RCAN3: variants seen among roughly 807,000 people sequenced by gnomAD.
The protein encoded by RCAN3 is calcipressin-3.
RCAN3 carries 19 observed loss-of-function variants against 21.9 expected under a neutral mutation model. The ratio of observed to expected loss-of-function variants is 0.87; its 90% CI spans 0.61 to 1.27. The LOEUF (loss-of-function observed/expected upper bound fraction) is 1.27, where lower values mean the gene tolerates loss of function less well. Among genes scored for constraint, RCAN3 ranks in the 50% most tolerant of loss-of-function variants. RCAN3 has a pLI of 0.00. For missense variants in RCAN3, 240 were observed against 300.1 expected (o/e 0.80, Z 1.48); for synonymous variants, 114 against 112.3 (o/e 1.01, Z -0.09).
intron 2 of RCAN3, among the ~76,000 whole-genome samples, chr1:24,527,486 TCCTCA>T (rs1649372343): frequency 6.6e-6 from 1 of 152,242 alleles, no homozygotes. Context: ...AAATGATGTT[TCCTCA>T]ATAATGAAGG....
chr1:24,518,741 C>T (rs991368442), intron 2 of RCAN3, among the ~76,000 whole-genome samples: 3 of 151,802 alleles, frequency 2.0e-5, no homozygotes, highest in Admixed American at 2.0e-4. Flanking sequence ...TATAGGCATG[C>T]ACCAGCACAT....
At position 24,514,573 on chromosome 1, in the gene RCAN3, C is replaced by T. The variant is rs1175827273; in HGVS notation, c.195+6C>T. 2.5e-6 allele frequency: 4 copies of T among 1,610,788 alleles called. No homozygotes were observed. The highest frequency in any genetic ancestry group is 1.7e-4 in the Middle Eastern group (1 of 6,052). ...TTGAGGCACGAGAGCAGAAGGTAGG[C>T]ATCTATCCTCCCTTTCCCTACATTT... is the stretch of plus-strand genomic sequence containing the variant. On this transcript the variant is annotated splice_donor_region_variant and intron_variant, in intron 2 of 4. Coordinates refer to ENST00000374395, the MANE Select transcript of RCAN3 (RefSeq NM_013441.4).
rs903983052 is a variant in RCAN3, at chr1:24,539,397, G to A, written c.*4120G>A. On this transcript the variant is annotated 3_prime_UTR_variant, in exon 5 of 5. Coordinates refer to ENST00000374395, the MANE Select transcript of RCAN3 (RefSeq NM_013441.4). ...TTGTTATCATTGAACCATTGGGGCT[G>A]GAATCTGCCTAAATAATTTTATCTT... 6.6e-6 allele frequency: 1 copy of A among 152,168 alleles called. No individual in the cohort carries two copies. The highest frequency in any genetic ancestry group is 2.4e-5 in the African/African-American group (1 of 41,438). The allele number at this position is 152,168 out of a possible 1,614,324, so 9.4% of individuals were successfully genotyped here.
At chr1:24,504,901 T>G (rs1647310530) in intron 1 of RCAN3, among the ~76,000 whole-genome samples, 1 of 152,256 alleles carries the variant, frequency 6.6e-6, no homozygotes, top group East Asian at 1.9e-4. Flanking sequence ...GTAGGCTGGT[T>G]TTTGTTGTTT....
At position 24,539,810 on chromosome 1, in the gene RCAN3, A is replaced by G. The variant is rs1650411932; in HGVS notation, c.*4533A>G. The G allele has an allele frequency of 6.6e-6, 1 of 152,230 alleles. No homozygotes were observed. The highest frequency in any genetic ancestry group is 2.4e-5 in the African/African-American group (1 of 41,456). 9.4% of individuals were successfully genotyped at this position (152,230 alleles called of 1,614,324 possible). A position where few individuals can be genotyped will look rare whatever the true frequency, so the allele number is the denominator to read the frequency against. ...AGAGCTGTGGACCCTGTACGTACCAAACAGGTGAACTTGGTCCATCTTTCC... is the reference window on the plus strand; with the variant it reads ...AGAGCTGTGGACCCTGTACGTACCAGACAGGTGAACTTGGTCCATCTTTCC... On this transcript the variant is annotated 3_prime_UTR_variant, in exon 5 of 5. Coordinates refer to ENST00000374395, the MANE Select transcript of RCAN3 (RefSeq NM_013441.4).
intron 1 of RCAN3, among the ~76,000 whole-genome samples, chr1:24,508,154 A>C (rs1647591650): frequency 6.6e-6 from 1 of 152,224 alleles, no homozygotes; most frequent in Non-Finnish European, 1.5e-5. Flanking sequence ...ACAAGACTAG[A>C]ACTCAGGATT....
chr1:24,525,150 G>C lies in RCAN3; in HGVS notation c.196-6068G>C, dbSNP rs1649160716. ...CAGAAAGGTCAGGAAATACACACTTGGCTGCCATCCTCATCTGTTGCTCCT... is the reference window on the plus strand; with the variant it reads ...CAGAAAGGTCAGGAAATACACACTTCGCTGCCATCCTCATCTGTTGCTCCT... On this transcript the variant is annotated intron_variant, in intron 2 of 4. Coordinates refer to ENST00000374395, the MANE Select transcript of RCAN3 (RefSeq NM_013441.4). The surrounding 1 kb of genome is among the most constrained non-coding windows in gnomAD (Gnocchi z 4.1). 6.6e-6 allele frequency among the ~76,000 whole-genome samples: 1 copy of C among 152,102 alleles called. No individual in the cohort carries two copies. Among genetic ancestry groups the C allele is most frequent in the South Asian group, 2.1e-4 (1 of 4,826 alleles).
At position 24,514,324 on chromosome 1, in the gene RCAN3, A is replaced by G. The variant is rs1484948663; in HGVS notation, c.-49A>G. On this transcript the variant is annotated 5_prime_UTR_variant, in exon 2 of 5. Coordinates refer to ENST00000374395, the MANE Select transcript of RCAN3 (RefSeq NM_013441.4). ...CTTTTTTTTTAACAGTGGGTGCCTG[A>G]TAGACATCCTAGGACTATACAGAAG... 1 of 1,428,502 alleles carries G rather than the reference A, an allele frequency of 7.0e-7. No homozygotes were observed. The highest frequency in any genetic ancestry group is 9.3e-7 in the Non-Finnish European group (1 of 1,077,334). The allele number at this position is 1,428,502 out of a possible 1,614,324, so 88.5% of individuals were successfully genotyped here.
At chr1:24,516,355 A>G (rs1648320436) in intron 2 of RCAN3, among the ~76,000 whole-genome samples, 1 of 152,132 alleles carries the variant, frequency 6.6e-6, no homozygotes, top group Non-Finnish European at 1.5e-5. Context: ...GAAAGGAGGA[A>G]GGATCACAGC....
chr1:24,505,465 C>T (rs1380671374), intron 1 of RCAN3, among the ~76,000 whole-genome samples: 1 of 151,808 alleles, frequency 6.6e-6, no homozygotes, highest in African/African-American at 2.4e-5. Context: ...TCTGGCAGCC[C>T]GCCTGCCTCC....
rs768870459 is a variant in RCAN3 at position 24,539,116 on chromosome 1, C to T, written c.*3839C>T. The T allele has an allele frequency of 1.3e-5, 2 of 152,100 alleles. No individual in the cohort carries two copies. The highest frequency in any genetic ancestry group is 4.8e-5 in the African/African-American group (2 of 41,406). 9.4% of individuals were successfully genotyped at this position (152,100 alleles called of 1,614,324 possible). ...TGAGGTTATGGCACTGACTTAGGCA[C>T]CCCCAGCAAGGCAACCCAGGGACTA... On this transcript the variant is annotated 3_prime_UTR_variant, in exon 5 of 5. Transcript: ENST00000374395.
At position 24,540,140 on chromosome 1, in the gene RCAN3, T is replaced by TTTC. The variant is rs1650424789; in HGVS notation, c.*4866_*4868dup. Reference sequence around the variant, plus strand: ...AAAATGTTAATCATTTGGAGACTGTTTTCTTATTACCAAATGTACAATCCA... The same window carrying TTTC: ...AAAATGTTAATCATTTGGAGACTGTTTTCTTCTTATTACCAAATGTACAATCCA... On this transcript the variant is annotated 3_prime_UTR_variant, in exon 5 of 5. Transcript: ENST00000374395. 6.6e-6 allele frequency: 1 copy of TTTC among 152,228 alleles called. No individual in the cohort carries two copies. The highest frequency in any genetic ancestry group is 6.5e-5 in the Admixed American group (1 of 15,274). 9.4% of individuals were successfully genotyped at this position (152,228 alleles called of 1,614,324 possible).
rs903568919 is a variant in RCAN3 at position 24,536,449 on chromosome 1, T to C, written c.*1172T>C. 1 of 152,236 alleles carries C rather than the reference T, an allele frequency of 6.6e-6. No individual in the cohort carries two copies. Among genetic ancestry groups the C allele is most frequent in the Non-Finnish European group, 1.5e-5 (1 of 68,044 alleles). The allele number at this position is 152,236 out of a possible 1,614,324, so 9.4% of individuals were successfully genotyped here. On this transcript the variant is annotated 3_prime_UTR_variant, in exon 5 of 5. Transcript: ENST00000374395. ...ATTGTTTCCCACTTAGGTGTCAGAA[T>C]GTACCTTTGAACTTCCCTAAGAAGC...
chr1:24,504,118 C>T (rs1032362069), intron 1 of RCAN3, among the ~76,000 whole-genome samples: 2 of 152,212 alleles, frequency 1.3e-5, no homozygotes, highest in African/African-American at 4.8e-5. Context: ...AACTGAGTCT[C>T]TTCTTTAGCC....
At chr1:24,505,161 C>G (rs921485526) in intron 1 of RCAN3, among the ~76,000 whole-genome samples, 2 of 148,946 alleles carry the variant, frequency 1.3e-5, no homozygotes, top group Non-Finnish European at 3.0e-5. Context: ...TCGTGATAGC[C>G]GTTCAGAACT....
At chr1:24,530,255 C>T (rs1649640656) in intron 2 of RCAN3, among the ~76,000 whole-genome samples, 2 of 147,902 alleles carry the variant, frequency 1.4e-5, no homozygotes, top group South Asian at 2.1e-4. Flanking sequence ...CCCAAGAAGC[C>T]GAGGCAGGAG....
chr1:24,521,508 A>C (rs1280636157), intron 2 of RCAN3, among the ~76,000 whole-genome samples: 1 of 152,186 alleles, frequency 6.6e-6, no homozygotes, highest in Non-Finnish European at 1.5e-5. Context: ...TATGTGCTGG[A>C]ACTGTGCTAC....
At chr1:24,518,022 T>C (rs1648480259) in intron 2 of RCAN3, among the ~76,000 whole-genome samples, 1 of 151,730 alleles carries the variant, frequency 6.6e-6, no homozygotes, top group Non-Finnish European at 1.5e-5. Context: ...TTAAACACTT[T>C]AATTTCAAAA....
At chr1:24,515,270 T>C (rs1440439211) in intron 2 of RCAN3, among the ~76,000 whole-genome samples, 1 of 152,206 alleles carries the variant, frequency 6.6e-6, no homozygotes, top group African/African-American at 2.4e-5. Flanking sequence ...AGCTTTTTCC[T>C]GGGGCTGATT....
Sources: allele counts gnomAD v4.1 joint callset (sites outside exome capture counted in the v4.1 genomes callset), GRCh38; gene constraint gnomAD v4.1.1; non-coding constraint Gnocchi (gnomAD v3.1); transcripts MANE v1.5; gene names NCBI Gene and HGNC (gene_info 2026-07-23, HGNC 2026-07-21).